UGGT1: variants seen among roughly 807,000 people sequenced by gnomAD.
The protein encoded by UGGT1 is UDP-glucose glycoprotein glucosyltransferase 1.
In UGGT1, 107 loss-of-function variants were observed where a neutral mutation model predicts 203.9. The ratio of observed to expected loss-of-function variants is 0.52; its 90% CI spans 0.45 to 0.62. The LOEUF (loss-of-function observed/expected upper bound fraction) is 0.62, where lower values mean the gene tolerates loss of function less well. Among genes scored for constraint, UGGT1 ranks in the 20% least tolerant of loss-of-function variants. The probability of loss-of-function intolerance (pLI) is 0.00; values close to 1 mark genes in which losing one functional copy is unlikely to be tolerated. For synonymous variants in UGGT1, 628 were observed against 653.5 expected, an observed-to-expected ratio of 0.96 and a Z score of 0.59; for missense variants, 1,673 against 1,867.2, an observed-to-expected ratio of 0.90 and a Z score of 1.92.
At position 128,165,061 on chromosome 2, in the gene UGGT1, C is replaced by CT. The variant is rs201019628; in HGVS notation, c.2921+237dup. ...ATTTCTAAATGAATCTGAAATAACT[C>CT]TGAGTGCACCCTTGTAGTAGAAAAT... is the stretch of plus-strand genomic sequence containing the variant. On this transcript the variant is annotated intron_variant, in intron 26 of 40. Transcript: ENST00000259253. 5.0e-3 allele frequency among the ~76,000 whole-genome samples: 769 copies of CT among 152,312 alleles called. 10 individuals are homozygous for CT. The highest frequency in any genetic ancestry group is 0.016 in the African/African-American group (679 of 41,570).
rs1335166928 is a variant in UGGT1, at chr2:128,138,736, G to C, written c.1603G>C (p.Val535Leu). The C allele has an allele frequency of 1.2e-5, 19 of 1,612,878 alleles. No individual in the cohort carries two copies. The highest frequency in any genetic ancestry group is 1.5e-5 in the Non-Finnish European group (18 of 1,179,504). The change falls in exon 16 of 41, where the codon GTT becomes CTT. Residue 535 changes from valine to leucine, a missense_variant. Around this residue, in one of 4 missense-constraint regions of UGGT1, gnomAD observed 1,073 missense variants for 1,078.7 expected, o/e 0.99. Coordinates refer to ENST00000259253, the MANE Select transcript of UGGT1 (RefSeq NM_020120.4). ...CTCCAGAATTGGTTTTATCTTTGTG[G>C]TTAATGACTCTGAAGATGTTGATGG... is the stretch of plus-strand genomic sequence containing the variant. ...IPLRIGFIFV[V>L]NDSEDVDGMQ...
At chr2:128,163,274 T>C (rs1283042822) in intron 25 of UGGT1, among the ~76,000 whole-genome samples, 1 of 133,452 alleles carries the variant, frequency 7.5e-6, no homozygotes, top group Non-Finnish European at 1.6e-5. Context: ...GCTGGGTTCA[T>C]AGGAAATGTA....
chr2:128,163,167 A>G (rs13005793), intron 25 of UGGT1, among the ~76,000 whole-genome samples: 24,962 of 152,162 alleles, frequency 0.16, 2,418 homozygotes, highest in South Asian at 0.32. Flanking sequence ...ATGTTTTGTA[A>G]CCGTGTTGAC....
At position 128,091,421 on chromosome 2, in the gene UGGT1, C is replaced by T. The variant is rs776411338; in HGVS notation, c.58+6C>T. On this transcript the variant is annotated splice_donor_region_variant and intron_variant, in intron 1 of 40. Coordinates refer to ENST00000259253, the MANE Select transcript of UGGT1 (RefSeq NM_020120.4). ...GGGTGCGCTGCCGGTGACAGGTACC[C>T]AGGGGTGGCGTGAGGAGGCCTCGTG... is the stretch of plus-strand genomic sequence containing the variant. The T allele has an allele frequency of 2.5e-6, 4 of 1,580,060 alleles. No individual in the cohort carries two copies. Among genetic ancestry groups the T allele is most frequent in the Non-Finnish European group, 2.6e-6 (3 of 1,162,980 alleles).
intron 6 of UGGT1, among the ~76,000 whole-genome samples, chr2:128,114,545 A>T (rs1688009008): frequency 1.3e-5 from 2 of 152,182 alleles, no homozygotes; most frequent in Non-Finnish European, 2.9e-5. Context: ...TTCAGTCAGG[A>T]TGCTGGTGAG....
At chr2:128,120,719 G>C (rs978243933) in intron 9 of UGGT1, among the ~76,000 whole-genome samples, 2 of 152,110 alleles carry the variant, frequency 1.3e-5, no homozygotes, top group South Asian at 4.1e-4. Flanking sequence ...ACGAGAAGCA[G>C]GTCATAGTCC....
intron 19 of UGGT1, among the ~76,000 whole-genome samples, chr2:128,153,472 CAAA>C (rs956269232): frequency 3.3e-5 from 5 of 152,142 alleles, no homozygotes; most frequent in Non-Finnish European, 7.4e-5. Context: ...CATCACCCCC[CAAA>C]AATTCCCCAG....
rs1419964856 is a variant in UGGT1 at position 128,160,607 on chromosome 2, G to A, written c.2694+16G>A. 2.5e-6 allele frequency: 4 copies of A among 1,604,886 alleles called. No homozygotes were observed. The African/African-American group carries it at 5.4e-5, about 21-fold the overall frequency. ...CAATGGAAGGGTGAGGATTTGTCAA[G>A]CTTGACTTCACATTAGATCCGTGAA... On this transcript the variant is annotated intron_variant, in intron 24 of 40. Coordinates refer to ENST00000259253, the MANE Select transcript of UGGT1 (RefSeq NM_020120.4).
At chr2:128,098,397 C>T (rs1687210712) in intron 2 of UGGT1, among the ~76,000 whole-genome samples, 1 of 152,214 alleles carries the variant, frequency 6.6e-6, no homozygotes, top group African/African-American at 2.4e-5. Flanking sequence ...GCTGAGCGTG[C>T]TGGCATGTGC....
At chr2:128,127,511 ATGTTCATAT>A in intron 12 of UGGT1, 59 bp downstream of exon 12, 2 of 1,262,300 alleles carry the variant, frequency 1.6e-6, no homozygotes, top group Non-Finnish European at 2.3e-6. Context: ...ACCTTGTAAC[ATGTTCATAT>A]TGCCGTTCCT....
At chr2:128,158,707 T>C (rs1016750909) in intron 22 of UGGT1, among the ~76,000 whole-genome samples, 19 of 152,208 alleles carry the variant, frequency 1.2e-4, no homozygotes, top group African/African-American at 4.6e-4. Context: ...TAAATGTCTG[T>C]TGCTTATGTT....
chr2:128,131,654 A>G (rs1688884029), intron 13 of UGGT1, among the ~76,000 whole-genome samples: 1 of 152,032 alleles, frequency 6.6e-6, no homozygotes, highest in African/African-American at 2.4e-5. Context: ...GTTGCATTGC[A>G]GTCTCGCTCT....
At chr2:128,185,930 G>GC (rs1558832166) in intron 38 of UGGT1, among the ~76,000 whole-genome samples, 1 of 152,138 alleles carries the variant, frequency 6.6e-6, no homozygotes, top group African/African-American at 2.4e-5. Flanking sequence ...AAGGTTTAAA[G>GC]CATAGGGTAG....
rs140101847 is a variant in UGGT1 at position 128,142,849 on chromosome 2, G to T, written c.1720-245G>T. ...ATACAAAAAATTAGCTGGGCGTGGT[G>T]GCAGGTGTCTAATCCCAGCTATTCT... On this transcript the variant is annotated intron_variant, in intron 16 of 40. Coordinates refer to ENST00000259253, the MANE Select transcript of UGGT1 (RefSeq NM_020120.4). 2.8e-3 allele frequency among the ~76,000 whole-genome samples: 421 copies of T among 151,980 alleles called. 2 individuals carry two copies. Among genetic ancestry groups the T allele is most frequent in the Middle Eastern group, 0.01 (3 of 294 alleles).
chr2:128,143,994 T>TATGGATTTGCCTATTCTA (rs1689563859), intron 17 of UGGT1, among the ~76,000 whole-genome samples: 1 of 152,200 alleles, frequency 6.6e-6, no homozygotes. Flanking sequence ...CTTCTGTGTC[T>TATGGATTTGCCTATTCTA]GAAAGAAGTA....
intron 12 of UGGT1, among the ~76,000 whole-genome samples, chr2:128,128,271 A>C (rs930899777): frequency 1.3e-5 from 2 of 151,958 alleles, no homozygotes; most frequent in African/African-American, 2.4e-5. Context: ...TGGAGTCTCA[A>C]AAGAAATTTT....
At position 128,160,581 on chromosome 2, in the gene UGGT1, G is replaced by A; in HGVS notation, c.2684G>A (p.Ser895Asn). The change falls in exon 24 of 41, where the codon AGC becomes AAC. Residue 895 changes from serine to asparagine, a missense_variant. Transcript: ENST00000259253. ...AAGAAGGGACAGAGGGCAGTGATCA[G>A]CAATGGAAGGGTGAGGATTTGTCAA... Reference protein sequence around the residue: ...KLKKGQRAVISNGRIIGPLED... With the variant: ...KLKKGQRAVINNGRIIGPLED... 1 of 1,611,902 alleles carries A rather than the reference G, an allele frequency of 6.2e-7. No individual in the cohort carries two copies.
intron 1 of UGGT1, among the ~76,000 whole-genome samples, chr2:128,095,449 TTTC>T (rs1687073924): frequency 7.0e-6 from 1 of 142,448 alleles, no homozygotes; most frequent in Non-Finnish European, 1.5e-5. Context: ...TTCCTCCTTC[TTTC>T]TTCTTTCTTT....
intron 12 of UGGT1, 85 bp from the exon 13 acceptor site, chr2:128,128,944 G>T: frequency 7.3e-7 from 1 of 1,367,200 alleles, no homozygotes; most frequent in South Asian, 1.5e-5. Flanking sequence ...CATTGAGGTT[G>T]AACTGATACA....
Sources: allele counts gnomAD v4.1 joint callset (sites outside exome capture counted in the v4.1 genomes callset), GRCh38; gene constraint gnomAD v4.1.1; regional missense constraint gnomAD v4.1.1; transcripts MANE v1.5; gene names NCBI Gene and HGNC (gene_info 2026-07-23, HGNC 2026-07-21).